COL23A1: variants seen among roughly 807,000 people sequenced by gnomAD.
COL23A1 encodes the protein collagen alpha-1(XXIII) chain.
A neutral mutation model predicts 99.3 loss-of-function variants in COL23A1; 97 were observed. The ratio of observed to expected loss-of-function variants is 0.98; its 90% CI spans 0.83 to 1.16. The LOEUF is 1.16. Ranked by LOEUF, COL23A1 falls within the 50% of genes most tolerant of loss-of-function variation. COL23A1 has a pLI of 0.00. For synonymous variants in COL23A1, 320 were observed against 308.2 expected (o/e 1.04, Z -0.40); for missense variants, 762 against 757.4 (o/e 1.01, Z -0.07).
chr5:178,501,904 G>A (rs764584077), intron 2 of COL23A1, among the ~76,000 whole-genome samples: 2 of 152,116 alleles, frequency 1.3e-5, no homozygotes, highest in Admixed American at 6.5e-5. Flanking sequence ...ACCTCCACCC[G>A]CAGTGGGCGG....
At chr5:178,272,146 C>T (rs552501630) in intron 5 of COL23A1, among the ~76,000 whole-genome samples, 1 of 152,342 alleles carries the variant, frequency 6.6e-6, no homozygotes, top group East Asian at 1.9e-4. Context: ...CCTGGAGTGC[C>T]TTCCCTGCGT....
intron 2 of COL23A1, among the ~76,000 whole-genome samples, chr5:178,512,499 A>G (rs1215199441): frequency 6.6e-6 from 1 of 152,156 alleles, no homozygotes; most frequent in African/African-American, 2.4e-5. Context: ...CAAGGGAGAG[A>G]GACAGATACA....
chr5:178,336,179 G>A (rs1760305036), intron 2 of COL23A1, among the ~76,000 whole-genome samples: 1 of 128,768 alleles, frequency 7.8e-6, no homozygotes. Flanking sequence ...GCATTCAGAT[G>A]TTTCTCAAAA....
intron 2 of COL23A1, among the ~76,000 whole-genome samples, chr5:178,522,192 G>A (rs772704376): frequency 1.2e-4 from 19 of 152,134 alleles, no homozygotes; most frequent in African/African-American, 2.4e-4. Flanking sequence ...GACCTAAAAC[G>A]TGTTTTCGGT....
At position 178,301,962 on chromosome 5, in the gene COL23A1, C is replaced by CTG. The variant is rs1758068100; in HGVS notation, c.406+4911_406+4912dup. Among the ~76,000 whole-genome samples, 16 of 38,966 alleles carry CTG rather than the reference C, an allele frequency of 4.1e-4. 1 individual carries two copies. The South Asian group carries it at 6.2e-3, about 15-fold the overall frequency. The allele number at this position is 38,966 out of a possible 152,430, so 25.6% of individuals were successfully genotyped here. ...GAAGCACAGCTTCAATGCTGCACCT[C>CTG]TGTGTGCGCCGGAGCACAGCCTCAA... On this transcript the variant is annotated intron_variant, in intron 3 of 28. Coordinates refer to ENST00000390654, the MANE Select transcript of COL23A1 (RefSeq NM_173465.4).
intron 2 of COL23A1, among the ~76,000 whole-genome samples, chr5:178,510,673 TAAAATAAAAAATAAAAATAA>T (rs1759153373): frequency 1.3e-5 from 2 of 150,386 alleles, no homozygotes; most frequent in South Asian, 4.2e-4. Flanking sequence ...ACAATAATAA[TAAAATAAAAAATAAAAATAA>T]AAAATAAAAA....
At chr5:178,409,059 C>T (rs1764931644) in intron 2 of COL23A1, among the ~76,000 whole-genome samples, 1 of 149,466 alleles carries the variant, frequency 6.7e-6, no homozygotes. Flanking sequence ...AGGTATTTAT[C>T]TCAGAGATAG....
chr5:178,370,344 G>A (rs1348244789), intron 2 of COL23A1, among the ~76,000 whole-genome samples: 2 of 152,200 alleles, frequency 1.3e-5, no homozygotes, highest in Non-Finnish European at 2.9e-5. Flanking sequence ...ACAAAAGGAG[G>A]AAATCCTGTC....
intron 3 of COL23A1, among the ~76,000 whole-genome samples, chr5:178,300,451 A>T (rs974577107): frequency 1.3e-5 from 2 of 152,010 alleles, no homozygotes; most frequent in Non-Finnish European, 2.9e-5. Flanking sequence ...ATGCCATCCT[A>T]CTGCCGTTTG....
Position 178,562,238 on chromosome 5 carries a change from T to C in COL23A1, c.295-1490A>G, listed in dbSNP as rs369573389. 31 of 203,938 alleles carry C rather than the reference T, an allele frequency of 1.5e-4. No homozygotes were observed. The East Asian group carries it at 2.9e-3, about 19-fold the overall frequency. The allele number at this position is 203,938 out of a possible 1,614,324, so 12.6% of individuals were successfully genotyped here. On this transcript the variant is annotated intron_variant, in intron 1 of 28. Transcript: ENST00000390654. The stretch of plus-strand genomic sequence containing the variant: ...GCCTGGATGCCAGAGCGAGACTCCA[T>C]CTCAAAAAAAGAAAAAAAAAAAAAA...
chr5:178,251,051 C>G (rs1765009468), intron 17 of COL23A1, among the ~76,000 whole-genome samples: 1 of 130,860 alleles, frequency 7.6e-6, no homozygotes, highest in Non-Finnish European at 1.6e-5. Context: ...GAGACAGAGT[C>G]TTGCTATGTC....
At chr5:178,463,635 A>C (rs1056242149) in intron 2 of COL23A1, among the ~76,000 whole-genome samples, 2 of 152,038 alleles carry the variant, frequency 1.3e-5, no homozygotes, top group South Asian at 4.1e-4. Context: ...AAGTTGATGA[A>C]CTCACTCCGT....
chr5:178,321,561 C>A (rs1759313519), intron 2 of COL23A1, among the ~76,000 whole-genome samples: 1 of 144,886 alleles, frequency 6.9e-6, no homozygotes, highest in Non-Finnish European at 1.5e-5. Context: ...ACGATCTCGG[C>A]TCACTGCAAG....
intron 2 of COL23A1, among the ~76,000 whole-genome samples, chr5:178,337,340 G>C (rs999228449): frequency 6.6e-6 from 1 of 152,250 alleles, no homozygotes; most frequent in African/African-American, 2.4e-5. Flanking sequence ...GAGTTGGAGC[G>C]TTTGTAAACC....
At chr5:178,566,186 CAGAT>C (rs1762833127) in intron 1 of COL23A1, among the ~76,000 whole-genome samples, 1 of 151,976 alleles carries the variant, frequency 6.6e-6, no homozygotes, top group Non-Finnish European at 1.5e-5. Flanking sequence ...ATACATAACT[CAGAT>C]AGAAACCAGT....
chr5:178,238,499 A>C lies in COL23A1; in HGVS notation c.*199T>G. The C allele has an allele frequency of 1.5e-6, 1 of 653,146 alleles. No homozygotes were observed. The allele number at this position is 653,146 out of a possible 1,614,324, so 40.5% of individuals were successfully genotyped here. On this transcript the variant is annotated 3_prime_UTR_variant, in exon 29 of 29. Coordinates refer to ENST00000390654, the MANE Select transcript of COL23A1 (RefSeq NM_173465.4). Reference sequence around the variant, plus strand: ...AGGCCCAAGGGTGCCCCTCAGGTACACATCTCCCTGGTCTGGCCTGTCCAC... The same window carrying C: ...AGGCCCAAGGGTGCCCCTCAGGTACCCATCTCCCTGGTCTGGCCTGTCCAC...
At chr5:178,323,670 G>A (rs560158259) in intron 2 of COL23A1, among the ~76,000 whole-genome samples, 15 of 152,276 alleles carry the variant, frequency 9.9e-5, no homozygotes, top group Middle Eastern at 3.4e-3. Context: ...AGATGCCACC[G>A]TCACCTTGGC....
chr5:178,535,133 C>T (rs534543381), intron 2 of COL23A1, among the ~76,000 whole-genome samples: 1 of 152,102 alleles, frequency 6.6e-6, no homozygotes, highest in South Asian at 2.1e-4. Context: ...CTACCACACC[C>T]GGCTAATTTT....
chr5:178,524,938 C>T (rs534294816), intron 2 of COL23A1, among the ~76,000 whole-genome samples: 1 of 152,234 alleles, frequency 6.6e-6, no homozygotes, highest in South Asian at 2.1e-4. Context: ...CACCACCCAC[C>T]TAAACTGCGT....
Sources: gnomAD v4.1 joint callset for allele counts (sites outside exome capture counted in the v4.1 genomes callset) on GRCh38, gnomAD v4.1.1 for gene constraint, MANE v1.5 for transcripts, NCBI Gene and HGNC (gene_info 2026-07-23, HGNC 2026-07-21) for gene names.